The following PTPRO variants were observed in gnomAD, a reference collection of about 807,000 sequenced individuals.
PTPRO encodes receptor-type tyrosine-protein phosphatase O.
In PTPRO, 62 loss-of-function variants were observed where a neutral mutation model predicts 145.2. That is an observed-to-expected ratio of 0.43 (90% CI 0.35 to 0.53). PTPRO has a LOEUF of 0.53. PTPRO is among the 20% of genes least tolerant of loss of function. The pLI, the probability that PTPRO is intolerant of heterozygous loss-of-function variation, is 0.01. For missense variants in PTPRO, 1,345 were observed against 1,482.7 expected (o/e 0.91, Z 1.53); for synonymous variants, 565 against 514.7 (o/e 1.10, Z -1.32).
Position 15,370,020 on chromosome 12 carries a change from C to A in PTPRO, c.75+47219C>A, listed in dbSNP as rs575356132. 4.7e-4 allele frequency among the ~76,000 whole-genome samples: 71 copies of A among 151,756 alleles called. 1 individual carries two copies. Among genetic ancestry groups the A allele is most frequent in the African/African-American group, 1.7e-3 (70 of 41,136 alleles). On this transcript the variant is annotated intron_variant, in intron 1 of 26. Transcript: ENST00000281171. ...TGAGACGAGATCGCCCCACTCCACT[C>A]CAGCCTGGGCAACAGAGCAAGACTC...
intron 1 of PTPRO, among the ~76,000 whole-genome samples, chr12:15,330,538 T>C (rs914942995): frequency 6.6e-6 from 1 of 152,196 alleles, no homozygotes; most frequent in Non-Finnish European, 1.5e-5. Context: ...TCCCTTGCCC[T>C]TTGGTTCCTA....
At chr12:15,453,728 C>G (rs1445688785) in intron 1 of PTPRO, among the ~76,000 whole-genome samples, 1 of 152,102 alleles carries the variant, frequency 6.6e-6, no homozygotes, top group African/African-American at 2.4e-5. Flanking sequence ...AAAATAGGAA[C>G]TCTTCATTTT....
At chr12:15,497,696 C>G (rs886597238) in intron 3 of PTPRO, among the ~76,000 whole-genome samples, 3 of 152,192 alleles carry the variant, frequency 2.0e-5, no homozygotes, top group African/African-American at 7.2e-5. Flanking sequence ...GAAATAAATT[C>G]AGACTTAAGT....
chr12:15,357,125 C>A (rs1172539246), intron 1 of PTPRO, among the ~76,000 whole-genome samples: 1 of 152,230 alleles, frequency 6.6e-6, no homozygotes, highest in African/African-American at 2.4e-5. Flanking sequence ...AGCAGACAGA[C>A]TATTGCCTTT....
At position 15,497,408 on chromosome 12, in the gene PTPRO, G is replaced by A; in HGVS notation, c.508+5G>A. 6.2e-7 allele frequency: 1 copy of A among 1,612,638 alleles called. No homozygotes were observed. The highest frequency in any genetic ancestry group is 8.5e-7 in the Non-Finnish European group (1 of 1,179,042). On this transcript the variant is annotated splice_donor_5th_base_variant and intron_variant, in intron 3 of 26. Coordinates refer to ENST00000281171, the MANE Select transcript of PTPRO (RefSeq NM_030667.3). ...TCCGGACAATGCTATATAAAGGTAAGCAGCAAAAGGAAAGCTGAATCAATG... is the reference window on the plus strand; with the variant it reads ...TCCGGACAATGCTATATAAAGGTAAACAGCAAAAGGAAAGCTGAATCAATG...
chr12:15,438,750 G>A (rs1940671865), intron 1 of PTPRO, among the ~76,000 whole-genome samples: 1 of 151,998 alleles, frequency 6.6e-6, no homozygotes, highest in Non-Finnish European at 1.5e-5. Context: ...TCCTGAGAGA[G>A]AAGGAAAAAA....
At chr12:15,487,024 T>A (rs1027224511) in intron 2 of PTPRO, among the ~76,000 whole-genome samples, 7 of 152,104 alleles carry the variant, frequency 4.6e-5, no homozygotes, top group Non-Finnish European at 1.0e-4. Context: ...GTAGTGGGTA[T>A]TTCTCAGTGT....
intron 1 of PTPRO, among the ~76,000 whole-genome samples, chr12:15,459,361 A>T (rs1292122037): frequency 2.6e-5 from 4 of 152,186 alleles, no homozygotes; most frequent in African/African-American, 9.7e-5. Context: ...GAGACAGGTG[A>T]GACAGAAGTC....
At chr12:15,429,196 C>T (rs1028767796) in intron 1 of PTPRO, among the ~76,000 whole-genome samples, 7 of 152,276 alleles carry the variant, frequency 4.6e-5, no homozygotes, top group Non-Finnish European at 1.0e-4. Flanking sequence ...ATGCACGAAG[C>T]ACTGTGCTGG....
At chr12:15,410,501 G>C (rs542046629) in intron 1 of PTPRO, 1 of 151,634 alleles carries the variant, frequency 6.6e-6, no homozygotes, top group African/African-American at 2.4e-5. Context: ...CTCAGGCCTT[G>C]AGATTTAGCC....
rs779523032 is a variant in PTPRO at position 15,501,871 on chromosome 12, G to T, written c.913G>T (p.Ala305Ser). ...SQPYWWDSAS[A>S]APESEDEFVS... ...GCCATATTGGTGGGACAGTGCATCT[G>T]CAGCTCCTGAAAGTGAAGATGAATT... The change falls in exon 5 of 27, where the codon GCA becomes TCA. Residue 305 changes from alanine to serine, a missense_variant. Ala to Ser is a moderately conservative substitution (Grantham distance 99). This residue lies in a region of PTPRO where 1,130 missense variants were observed against 1,214.7 expected (regional missense o/e 0.93). Coordinates refer to ENST00000281171, the MANE Select transcript of PTPRO (RefSeq NM_030667.3). 6 of 1,614,082 alleles carry T rather than the reference G, an allele frequency of 3.7e-6. No homozygotes were observed. The highest frequency in any genetic ancestry group is 5.1e-6 in the Non-Finnish European group (6 of 1,179,996).
At chr12:15,535,545 G>C (rs990883178) in intron 12 of PTPRO, among the ~76,000 whole-genome samples, 2 of 152,234 alleles carry the variant, frequency 1.3e-5, no homozygotes, top group African/African-American at 4.8e-5. Context: ...TTAGTGCTAG[G>C]AGAGCTTTTG....
chr12:15,422,169 C>G (rs1940164498), intron 1 of PTPRO, among the ~76,000 whole-genome samples: 1 of 152,084 alleles, frequency 6.6e-6, no homozygotes, highest in African/African-American at 2.4e-5. Context: ...TTAAGATTTA[C>G]AATTTTTTGA....
chr12:15,439,602 C>T (rs986727221), intron 1 of PTPRO: 2 of 286,110 alleles, frequency 7.0e-6, no homozygotes, highest in Non-Finnish European at 1.4e-5. Flanking sequence ...CAGTGGCTTT[C>T]GTGGAGGTTT....
intron 1 of PTPRO, among the ~76,000 whole-genome samples, chr12:15,435,196 G>A (rs1940561734): frequency 6.6e-6 from 1 of 152,158 alleles, no homozygotes. Flanking sequence ...AATAGGATAA[G>A]AGTGATTGTA....
intron 1 of PTPRO, among the ~76,000 whole-genome samples, chr12:15,345,928 C>T (rs1867194589): frequency 6.6e-6 from 1 of 152,068 alleles, no homozygotes; most frequent in Non-Finnish European, 1.5e-5. Context: ...CCACTCCCTC[C>T]CCTACTTTTC....
At chr12:15,463,859 C>A in intron 1 of PTPRO, among the ~76,000 whole-genome samples, 1 of 152,122 alleles carries the variant, frequency 6.6e-6, no homozygotes, top group Admixed American at 6.5e-5. Context: ...TACTCTGACA[C>A]AGGAGGGGTA....
chr12:15,487,027 C>A (rs1461135571), intron 2 of PTPRO, among the ~76,000 whole-genome samples: 1 of 152,022 alleles, frequency 6.6e-6, no homozygotes, highest in African/African-American at 2.4e-5. Context: ...GTGGGTATTT[C>A]TCAGTGTTTC....
At chr12:15,572,100 A>G (rs1372207595) in intron 19 of PTPRO, among the ~76,000 whole-genome samples, 2 of 152,200 alleles carry the variant, frequency 1.3e-5, no homozygotes, top group Admixed American at 1.3e-4. Context: ...TTAACATTCT[A>G]AAAAATATGT....
Sources: gnomAD v4.1 joint callset for allele counts (sites outside exome capture counted in the v4.1 genomes callset) on GRCh38, gnomAD v4.1.1 for gene constraint, gnomAD v4.1.1 regional missense constraint, MANE v1.5 for transcripts, NCBI Gene and HGNC (gene_info 2026-07-23, HGNC 2026-07-21) for gene names.